Variants in SVIL observed in about 807,000 individuals in gnomAD.
SVIL encodes archvillin.
In SVIL, 101 loss-of-function variants were observed where a neutral mutation model predicts 240.4. The observed-to-expected ratio is 0.42, with a 90% CI of 0.36 to 0.50. SVIL has a LOEUF of 0.50. Among genes scored for constraint, SVIL ranks in the 20% least tolerant of loss-of-function variants. The pLI is 0.01. For missense variants in SVIL, 2,512 were observed against 2,818.7 expected (o/e 0.89, Z 2.46); for synonymous variants, 999 against 1,100.0 (o/e 0.91, Z 1.82).
chr10:29,547,915 A>G (rs1952842753), intron 6 of SVIL, among the ~76,000 whole-genome samples: 1 of 152,192 alleles, frequency 6.6e-6, no homozygotes, highest in Admixed American at 6.5e-5. Flanking sequence ...ACACAGGAAG[A>G]ACTTCCTTTG....
At chr10:29,473,034 G>A (rs1945764513) in intron 30 of SVIL, among the ~76,000 whole-genome samples, 1 of 152,136 alleles carries the variant, frequency 6.6e-6, no homozygotes, top group African/African-American at 2.4e-5. Flanking sequence ...GTAGGCAGGG[G>A]AAGTTTCCAG....
chr10:29,687,323 C>A (rs1040347035), intron 1 of SVIL, among the ~76,000 whole-genome samples: 16 of 152,202 alleles, frequency 1.1e-4, no homozygotes, highest in African/African-American at 3.6e-4. Flanking sequence ...CCTTTATTCC[C>A]TTTTTTCTCT....
intron 12 of SVIL, among the ~76,000 whole-genome samples, chr10:29,528,025 G>A (rs189875055): frequency 4.4e-4 from 67 of 151,966 alleles, no homozygotes; most frequent in Non-Finnish European, 7.8e-4. Flanking sequence ...CACTGCACCC[G>A]GCCTCAATCT....
intron 35 of SVIL, among the ~76,000 whole-genome samples, chr10:29,462,781 C>T (rs900351692): frequency 6.6e-6 from 1 of 152,116 alleles, no homozygotes; most frequent in African/African-American, 2.4e-5. Context: ...TGACGGCGAA[C>T]GACAGCATCT....
chr10:29,548,650 A>G (rs1952921459), intron 6 of SVIL, among the ~76,000 whole-genome samples: 2 of 152,130 alleles, frequency 1.3e-5, no homozygotes, highest in African/African-American at 4.8e-5. Context: ...AGTGTGTGAT[A>G]TACTTACAGA....
In SVIL at chr10:29,551,250, T is replaced by C; in HGVS notation, c.174A>G (p.Glu58=). The change falls in exon 6 of 38, where the codon GAA becomes GAG. Residue 58 remains glutamate, a synonymous_variant. Coordinates refer to ENST00000355867, the MANE Select transcript of SVIL (RefSeq NM_021738.3). ...GAGAAGAATCAGAAGTTTCCTCCTC[T>C]TCATTTGATCGGCCTACAAGAAGGT... ...PASPHIGRSN[E]EEETSDSSLE... 1 of 1,596,876 alleles carries C rather than the reference T, an allele frequency of 6.3e-7. No homozygotes were observed. The highest frequency in any genetic ancestry group is 8.5e-7 in the Non-Finnish European group (1 of 1,172,716).
rs71525560 is a variant in SVIL at position 29,604,363 on chromosome 10, C to CTTT, written c.-201+30054_-201+30056dup. 1.4e-3 allele frequency among the ~76,000 whole-genome samples: 55 copies of CTTT among 38,424 alleles called. 1 individual carries two copies. Among genetic ancestry groups the CTTT allele is most frequent in the Non-Finnish European group, 2.4e-3 (42 of 17,680 alleles). 25.2% of individuals were successfully genotyped at this position (38,424 alleles called of 152,430 possible). On this transcript the variant is annotated intron_variant, in intron 1 of 37. Transcript: ENST00000355867. ...TACAGGCATGTGCCACCATGTCTGG[C>CTTT]TTTTTTTTTTTTTTTTTTTTTTTTT...
intron 3 of SVIL, among the ~76,000 whole-genome samples, chr10:29,646,218 T>C (rs1292769309): frequency 6.6e-5 from 10 of 152,236 alleles, no homozygotes; most frequent in Admixed American, 5.2e-4. Flanking sequence ...GACACCCCCC[T>C]GCCCTGCAAT....
chr10:29,644,494 C>T (rs1223275950), intron 3 of SVIL, among the ~76,000 whole-genome samples: 1 of 152,054 alleles, frequency 6.6e-6, no homozygotes, highest in African/African-American at 2.4e-5. Context: ...CAGAGCTCTA[C>T]GTAATGGCTA....
chr10:29,633,511 C>T (rs1274209438), intron 1 of SVIL, among the ~76,000 whole-genome samples: 1 of 152,046 alleles, frequency 6.6e-6, no homozygotes, highest in Admixed American at 6.5e-5. Flanking sequence ...CATGCATTTT[C>T]AAACGCCCCC....
intron 9 of SVIL, among the ~76,000 whole-genome samples, chr10:29,531,732 A>C (rs1298890762): frequency 3.9e-5 from 6 of 152,262 alleles, no homozygotes; most frequent in African/African-American, 9.6e-5. Context: ...AAAAAACATT[A>C]AAACCATTAA....
chr10:29,515,420 A>G (rs114173245), intron 16 of SVIL, among the ~76,000 whole-genome samples: 6 of 152,244 alleles, frequency 3.9e-5, no homozygotes, highest in Non-Finnish European at 7.3e-5. Flanking sequence ...GAAATCATTA[A>G]AAGAAATTCA....
intron 1 of SVIL, among the ~76,000 whole-genome samples, chr10:29,613,808 C>T (rs140786620): frequency 2.6e-5 from 4 of 152,268 alleles, no homozygotes; most frequent in African/African-American, 2.4e-5. Flanking sequence ...ACATTGCAAC[C>T]GGAAGAATAT....
chr10:29,681,406 GGTGTGTGTGTGTGTGT>G (rs55839039), intron 2 of SVIL, among the ~76,000 whole-genome samples: 301 of 134,982 alleles, frequency 2.2e-3, no homozygotes, highest in African/African-American at 8.1e-3. Flanking sequence ...AAGATGGAAT[GGTGTGTGTGTGTGTGT>G]GTGTGTGTGT....
At chr10:29,663,852 C>T (rs545945609) in intron 2 of SVIL, among the ~76,000 whole-genome samples, 2 of 152,314 alleles carry the variant, frequency 1.3e-5, no homozygotes, top group Admixed American at 1.3e-4. Context: ...GTGCTGCTGG[C>T]AATCAGCACA....
At chr10:29,552,141 C>A (rs1447386703) in intron 5 of SVIL, among the ~76,000 whole-genome samples, 1 of 150,194 alleles carries the variant, frequency 6.7e-6, no homozygotes, top group Non-Finnish European at 1.5e-5. Flanking sequence ...AAAAAAAAAA[C>A]CTATCAATCA....
At chr10:29,706,246 C>T (rs1962883917) in intron 1 of SVIL, among the ~76,000 whole-genome samples, 1 of 152,224 alleles carries the variant, frequency 6.6e-6, no homozygotes, top group African/African-American at 2.4e-5. Context: ...CTGTCTTCCA[C>T]AGTGGTTGAA....
At chr10:29,475,515 G>C (rs1946101569) in intron 29 of SVIL, 1 of 152,246 alleles carries the variant, frequency 6.6e-6, no homozygotes, top group Non-Finnish European at 1.5e-5. Context: ...AGACGAGCAA[G>C]ACAATTTCAG....
chr10:29,528,735 T>C (rs1951120231), intron 12 of SVIL, among the ~76,000 whole-genome samples: 1 of 151,860 alleles, frequency 6.6e-6, no homozygotes, highest in African/African-American at 2.4e-5. Context: ...AGACACTGCC[T>C]CAAAAAAACA....
Sources: gnomAD v4.1 joint callset for allele counts (sites outside exome capture counted in the v4.1 genomes callset) on GRCh38, gnomAD v4.1.1 for gene constraint, MANE v1.5 for transcripts, NCBI Gene and HGNC (gene_info 2026-07-23, HGNC 2026-07-21) for gene names.